Variants in NISCH observed in about 807,000 individuals in gnomAD.
The protein encoded by NISCH is I-1 receptor candidate protein.
NISCH carries 55 observed loss-of-function variants against 138.4 expected under a neutral mutation model. The ratio of observed to expected loss-of-function variants is 0.40; its 90% confidence interval spans 0.32 to 0.50. NISCH has a LOEUF of 0.50. Ranked by LOEUF, NISCH falls within the 20% of genes least tolerant of loss-of-function variation. The pLI is 0.71. For synonymous variants in NISCH, 860 were observed against 861.5 expected (o/e 1.00, Z 0.03); for missense variants, 1,643 against 2,005.5 (o/e 0.82, Z 3.45).
At chr3:52,466,884 A>G (rs538396890) in intron 3 of NISCH, among the ~76,000 whole-genome samples, 1 of 152,288 alleles carries the variant, frequency 6.6e-6, no homozygotes, top group South Asian at 2.1e-4. Context: ...CTACACACCA[A>G]CACAGAATCC....
intron 14 of NISCH, 112 bp from the exon 15 acceptor site, chr3:52,485,666 C>A: frequency 2.5e-6 from 3 of 1,207,898 alleles, no homozygotes; most frequent in Admixed American, 4.0e-5. Context: ...GATGGGGAGC[C>A]TCCTCAGGGC....
chr3:52,481,672 G>A, intron 13 of NISCH: 1 of 985,564 alleles, frequency 1.0e-6, no homozygotes, highest in Non-Finnish European at 1.2e-6. Context: ...AGGTAGAGCA[G>A]GAGCCAGTGA....
rs964404159 is a variant in NISCH, at chr3:52,466,793, G to A, written c.361-4066G>A. On this transcript the variant is annotated intron_variant, in intron 3 of 20. Transcript: ENST00000345716. ...GTATACTTGGTTGCAGGGCATGTGC[G>A]CAGGCATTCTTAGTGAGAATTTAAG... Among the ~76,000 whole-genome samples, 5 of 152,186 alleles carry A rather than the reference G, an allele frequency of 3.3e-5. No individual in the cohort carries two copies. In the East Asian group the frequency reaches 5.8e-4, roughly 18 times the overall value.
rs1009783068 is a variant in NISCH at position 52,490,351 on chromosome 3, T to G, written c.3613+120T>G. 3 of 1,137,604 alleles carry G rather than the reference T, an allele frequency of 2.6e-6. No individual in the cohort carries two copies. The South Asian group carries it at 4.2e-5, about 16-fold the overall frequency. The allele number at this position is 1,137,604 out of a possible 1,614,324, so 70.5% of individuals were successfully genotyped here. ...GCAGCAGTCAGCGACTTGGCTGCAG[T>G]GGGCTGAGAGTTCCTTGTCTGAGGA... On this transcript the variant is annotated intron_variant, in intron 18 of 20. Coordinates refer to ENST00000345716, the MANE Select transcript of NISCH (RefSeq NM_007184.4).
At chr3:52,456,774 T>G (rs1457295214) in intron 1 of NISCH, among the ~76,000 whole-genome samples, 1 of 152,134 alleles carries the variant, frequency 6.6e-6, no homozygotes, top group Non-Finnish European at 1.5e-5. Flanking sequence ...CCTGGAGAAA[T>G]GGCTGCTCCT....
rs1707160395 is a variant in NISCH at position 52,478,165 on chromosome 3, C to T, written c.1056C>T (p.Thr352=). 6.2e-7 allele frequency: 1 copy of T among 1,614,138 alleles called. No individual in the cohort carries two copies. Among genetic ancestry groups the T allele is most frequent in the Admixed American group, 1.7e-5 (1 of 60,014 alleles). The change falls in exon 10 of 21, where the codon ACC becomes ACT. Residue 352 remains threonine, a synonymous_variant. Coordinates refer to ENST00000345716, the MANE Select transcript of NISCH (RefSeq NM_007184.4). ...NKLSSLEGLH[T]KLGNIKTLNL... ...TCTCCTCCTTGGAAGGGCTTCACAC[C>T]AAGCTGGGGAACATCAAGACCTTAA...
At chr3:52,458,358 T>A (rs1706537470) in intron 2 of NISCH, among the ~76,000 whole-genome samples, 1 of 152,234 alleles carries the variant, frequency 6.6e-6, no homozygotes, top group African/African-American at 2.4e-5. Context: ...ACCGCTGCCC[T>A]GATTGGTTTT....
At chr3:52,481,936 G>C in intron 13 of NISCH, 1 of 985,148 alleles carries the variant, frequency 1.0e-6, no homozygotes, top group Non-Finnish European at 1.2e-6. Flanking sequence ...CTTTCCTTTT[G>C]GTGAGAAACA....
intron 7 of NISCH, among the ~76,000 whole-genome samples, chr3:52,475,316 G>A (rs112811016): frequency 6.2e-4 from 94 of 152,254 alleles, no homozygotes; most frequent in African/African-American, 2.1e-3. Context: ...AGCCCAGGGC[G>A]ACCCATTGTG....
chr3:52,484,462 T>TGGGGGCG, intron 13 of NISCH, 51 bp from the exon 14 acceptor site: 2 of 788,670 alleles, frequency 2.5e-6, no homozygotes, highest in Non-Finnish European at 3.7e-6. Context: ...ACAGCCGCTC[T>TGGGGGCG]CCCCGCCCCA....
intron 3 of NISCH, among the ~76,000 whole-genome samples, chr3:52,464,642 G>A (rs539855962): frequency 2.0e-5 from 3 of 146,660 alleles, no homozygotes; most frequent in Admixed American, 1.4e-4. Flanking sequence ...CTCGTGCCTC[G>A]GCCTCCCAAG....
intron 3 of NISCH, among the ~76,000 whole-genome samples, chr3:52,469,246 T>C (rs1682031736): frequency 6.6e-6 from 1 of 151,760 alleles, no homozygotes; most frequent in African/African-American, 2.4e-5. Context: ...CATCTGTCGA[T>C]GAGTTAAAAT....
At chr3:52,469,342 A>G (rs1050521869) in intron 3 of NISCH, among the ~76,000 whole-genome samples, 1 of 152,250 alleles carries the variant, frequency 6.6e-6, no homozygotes, top group African/African-American at 2.4e-5. Flanking sequence ...CTGCTGAGGC[A>G]ACGGGTTTCA....
At chr3:52,462,544 T>C (rs1364448033) in intron 3 of NISCH, among the ~76,000 whole-genome samples, 3 of 152,240 alleles carry the variant, frequency 2.0e-5, no homozygotes, top group Non-Finnish European at 4.4e-5. Context: ...CTGTATCCTC[T>C]CTGAAATTGT....
intron 7 of NISCH, among the ~76,000 whole-genome samples, chr3:52,474,714 G>C (rs1419261293): frequency 6.6e-6 from 1 of 152,228 alleles, no homozygotes; most frequent in Non-Finnish European, 1.5e-5. Context: ...TTACAGGCAT[G>C]AGCCACTTCA....
Position 52,458,670 on chromosome 3 carries a change from A to G in NISCH, c.186A>G (p.Ala62=). The part of the protein sequence containing the change: ...DFHDLHEKLV[A]ERKIDKNLLP... ...CTTATGTTTTTTTACAGCTCGTTGC[A>G]GAGAGAAAGATTGATAAAAATCTGC... Residue 62 remains alanine (A), a synonymous_variant, in exon 3 of 21, where the codon GCA becomes GCG. Transcript: ENST00000345716. 6.2e-7 allele frequency: 1 copy of G among 1,612,300 alleles called. No individual in the cohort carries two copies. Among genetic ancestry groups the G allele is most frequent in the Non-Finnish European group, 8.5e-7 (1 of 1,179,480 alleles).
intron 3 of NISCH, among the ~76,000 whole-genome samples, chr3:52,464,801 A>G (rs1272271838): frequency 6.6e-6 from 1 of 151,960 alleles, no homozygotes; most frequent in East Asian, 1.9e-4. Context: ...CCGGCATTAC[A>G]GCCTGAGCCA....
Position 52,487,377 on chromosome 3 carries a change from G to C in NISCH, c.1885G>C (p.Glu629Gln). Residue 629 changes from glutamate to glutamine, a missense_variant, in exon 16 of 21, where the codon GAG becomes CAG. Glu to Gln is a conservative substitution (Grantham distance 29). Coordinates refer to ENST00000345716, the MANE Select transcript of NISCH (RefSeq NM_007184.4). This position sits in a 1 kb window ranked among gnomAD's most constrained non-coding sequence, Gnocchi z 9.1. ...PAWIEAANQR[E>Q]EGQGEQGEEE... Reference sequence around the variant, plus strand: ...CTGGATCGAGGCTGCCAACCAGCGGGAGGAGGGCCAGGGTGAACAGGGCGA... The same window carrying C: ...CTGGATCGAGGCTGCCAACCAGCGGCAGGAGGGCCAGGGTGAACAGGGCGA... The C allele has an allele frequency of 6.2e-7, 1 of 1,614,114 alleles. No homozygotes were observed. Among genetic ancestry groups the C allele is most frequent in the South Asian group, 1.1e-5 (1 of 91,080 alleles).
chr3:52,491,048 C>T (rs1395053526), intron 19 of NISCH, among the ~76,000 whole-genome samples: 13 of 152,260 alleles, frequency 8.5e-5, no homozygotes, highest in Non-Finnish European at 1.5e-5. Flanking sequence ...GTGCGGCAAG[C>T]GCTGGCCCGG....
Sources: allele counts gnomAD v4.1 joint callset (sites outside exome capture counted in the v4.1 genomes callset), GRCh38; gene constraint gnomAD v4.1.1; non-coding constraint Gnocchi (gnomAD v3.1); transcripts MANE v1.5; gene names NCBI Gene and HGNC (gene_info 2026-07-23, HGNC 2026-07-21).